SRL: variants seen among roughly 807,000 people sequenced by gnomAD.
SRL encodes the protein sarcalumenin.
In SRL, 23 loss-of-function variants were observed where a neutral mutation model predicts 39.5. The observed-to-expected ratio is 0.58, with a 90% confidence interval of 0.42 to 0.82. The LOEUF is 0.82. SRL is among the 40% of genes least tolerant of loss of function. The pLI is 0.00. For synonymous variants in SRL, 272 were observed against 237.4 expected, an observed-to-expected ratio of 1.15 and a Z score of -1.34; for missense variants, 592 against 607.8, an observed-to-expected ratio of 0.97 and a Z score of 0.27.
chr16:4,210,247 A>G (rs552082797), intron 1 of SRL, among the ~76,000 whole-genome samples: 2 of 152,032 alleles, frequency 1.3e-5, no homozygotes, highest in Admixed American at 1.3e-4. Flanking sequence ...CTACATCTCT[A>G]TCTCTCCACC....
chr16:4,233,191 T>A (rs1370191331), intron 1 of SRL, among the ~76,000 whole-genome samples: 2 of 152,206 alleles, frequency 1.3e-5, no homozygotes, highest in Admixed American at 6.5e-5. Flanking sequence ...CTCATCAGGG[T>A]GGCCTAATCT....
At chr16:4,202,443 A>C (rs1201162682) in intron 3 of SRL, among the ~76,000 whole-genome samples, 3 of 152,034 alleles carry the variant, frequency 2.0e-5, no homozygotes, top group Non-Finnish European at 4.4e-5. Context: ...AATACAAAAA[A>C]TTGGCCAGGC....
chr16:4,213,408 T>C (rs1052043597), intron 1 of SRL, among the ~76,000 whole-genome samples: 2 of 119,086 alleles, frequency 1.7e-5, no homozygotes, highest in East Asian at 2.1e-4. Flanking sequence ...CTTTTTCTTT[T>C]TTTTTTTTTT....
At position 4,195,642 on chromosome 16, in the gene SRL, A is replaced by G. The variant is rs781628144; in HGVS notation, c.521T>C (p.Ile174Thr). Residue 174 changes from isoleucine to threonine, a missense_variant, in exon 5 of 6, where the codon ATT becomes ACT. Coordinates refer to ENST00000399609, the MANE Select transcript of SRL (RefSeq NM_001098814.2). ...AAGTTTGTGGGGAACCTCAATGCCA[A>G]TCAGCTTCTCTAGGAAATTCTGGCC... ...KFGQNFLEKL[I>T]GIEVPHKLLE... 9.9e-6 allele frequency: 16 copies of G among 1,614,098 alleles called. No individual in the cohort carries two copies. In the Middle Eastern group the frequency reaches 4.9e-4, roughly 50 times the overall value.
intron 2 of SRL, among the ~76,000 whole-genome samples, chr16:4,203,502 G>T (rs1318479874): frequency 1.3e-5 from 2 of 152,122 alleles, no homozygotes; most frequent in Admixed American, 1.3e-4. Flanking sequence ...TTCCTGAACT[G>T]TTTGGTTATT....
rs1006772857 is a variant in SRL, at chr16:4,190,723, G to C, written c.*1430C>G. The C allele has an allele frequency of 1.4e-5, 5 of 363,130 alleles. No homozygotes were observed. The highest frequency in any genetic ancestry group is 7.1e-4 in the Middle Eastern group (1 of 1,418). The allele number at this position is 363,130 out of a possible 1,614,324, so 22.5% of individuals were successfully genotyped here. On this transcript the variant is annotated 3_prime_UTR_variant, in exon 6 of 6. Transcript: ENST00000399609. ...TGTGTTCAGTGGACATCTGCATCAA[G>C]GTCAGGCGGGAAGGTCAATGTTAAG...
chr16:4,204,556 T>C lies in SRL; in HGVS notation c.140A>G (p.Asp47Gly). The change falls in exon 2 of 6, where the codon GAC (aspartate) becomes GGC (glycine). Residue 47 changes from aspartate (D) to glycine (G), a missense_variant. Physicochemically the swap from Asp to Gly is moderately conservative, Grantham distance 94. Coordinates refer to ENST00000399609, the MANE Select transcript of SRL (RefSeq NM_001098814.2). The stretch of plus-strand genomic sequence containing the variant: ...ACCAGAGTAGTCATCGGATGGCTTG[T>C]CCTCATTCAGCATGAGGGTCTTCTC... ...HIEKTLMLNE[D>G]KPSDDYSAVL... 2 of 1,610,360 alleles carry C rather than the reference T, an allele frequency of 1.2e-6. No homozygotes were observed. The highest frequency in any genetic ancestry group is 1.7e-6 in the Non-Finnish European group (2 of 1,178,218).
chr16:4,219,444 G>C (rs2052496551), intron 1 of SRL, among the ~76,000 whole-genome samples: 1 of 152,128 alleles, frequency 6.6e-6, no homozygotes, highest in Non-Finnish European at 1.5e-5. Flanking sequence ...AGTAGTGTCA[G>C]GCTGGCGCCC....
At chr16:4,228,517 CTAG>C (rs1330738273) in intron 1 of SRL, among the ~76,000 whole-genome samples, 27 of 152,118 alleles carry the variant, frequency 1.8e-4, no homozygotes, top group Admixed American at 1.6e-3. Flanking sequence ...GGGCGGATCA[CTAG>C]GTCAGGAGAT....
intron 1 of SRL, among the ~76,000 whole-genome samples, chr16:4,216,981 T>G (rs2052468249): frequency 6.6e-6 from 1 of 152,162 alleles, no homozygotes; most frequent in Non-Finnish European, 1.5e-5. Context: ...GTCTAACAGC[T>G]ATCCTGGGTT....
At chr16:4,196,493 C>G (rs1343270957) in intron 4 of SRL, among the ~76,000 whole-genome samples, 2 of 53,154 alleles carry the variant, frequency 3.8e-5, no homozygotes, top group African/African-American at 1.4e-4. Flanking sequence ...TTTTTTTTTT[C>G]CTTTTTGGAG....
chr16:4,197,949 C>G (rs1384586816), intron 3 of SRL, 34 bp from the exon 4 acceptor site: 1 of 1,456,010 alleles, frequency 6.9e-7, no homozygotes, highest in African/African-American at 1.4e-5. Context: ...TGGAATAAAA[C>G]TAACAAAAGT....
At position 4,192,554 on chromosome 16, in the gene SRL, G is replaced by A. The variant is rs531901693; in HGVS notation, c.1021C>T (p.Arg341Cys). The A allele has an allele frequency of 8.7e-6, 14 of 1,614,132 alleles. No individual in the cohort carries two copies. The highest frequency in any genetic ancestry group is 2.2e-5 in the East Asian group (1 of 44,884). The change falls in exon 6 of 6, where the codon CGC becomes TGC. Residue 341 changes from arginine (R) to cysteine (C), a missense_variant. Physicochemically the swap from Arg to Cys is radical, Grantham distance 180. Coordinates refer to ENST00000399609, the MANE Select transcript of SRL (RefSeq NM_001098814.2). This position sits in a 1 kb window ranked among gnomAD's most constrained non-coding sequence, Gnocchi z 4.0. The part of the protein sequence containing the change: ...AFIRQHAIRV[R>C]IHALLVDRYL... ...CGGTCAACCAGGAGGGCGTGGATGC[G>A]GACCCGGATGGCGTGCTGGCGGATG...
chr16:4,232,041 C>A (rs1355447103), intron 1 of SRL, among the ~76,000 whole-genome samples: 2 of 152,300 alleles, frequency 1.3e-5, no homozygotes, highest in East Asian at 1.9e-4. Context: ...TTTGCTCTGC[C>A]CCCGGGTTCC....
intron 1 of SRL, among the ~76,000 whole-genome samples, chr16:4,221,215 A>AT (rs1406955434): frequency 6.6e-6 from 1 of 151,886 alleles, no homozygotes; most frequent in African/African-American, 2.4e-5. Context: ...TGTCCAGCTA[A>AT]TTTTTTGTAT....
chr16:4,226,826 CGGATGGATGGATGGATGGAGGGGT>C (rs928765017), intron 1 of SRL, among the ~76,000 whole-genome samples: 1 of 122,006 alleles, frequency 8.2e-6, no homozygotes, highest in Non-Finnish European at 1.7e-5. Context: ...GAAGAATGGA[CGGATGGATGGATGGATGGAGGGGT>C]AGATGGATGA....
chr16:4,207,989 T>G (rs2052346091), intron 1 of SRL: 1 of 456,626 alleles, frequency 2.2e-6, no homozygotes, highest in African/African-American at 2.0e-5. Flanking sequence ...CTTGAGGGGC[T>G]GTGTCTGCAT....
intron 3 of SRL, among the ~76,000 whole-genome samples, chr16:4,198,660 C>T (rs1362516193): frequency 6.6e-6 from 1 of 152,092 alleles, no homozygotes; most frequent in Non-Finnish European, 1.5e-5. Context: ...GTTGCTCAGG[C>T]TGGTCTCAAA....
chr16:4,218,743 G>A (rs529747991), intron 1 of SRL, among the ~76,000 whole-genome samples: 85 of 152,334 alleles, frequency 5.6e-4, no homozygotes, highest in Non-Finnish European at 9.4e-4. Flanking sequence ...CTGCTCAGCC[G>A]GGGAGGTGTC....
Sources: gnomAD v4.1 joint callset for allele counts (sites outside exome capture counted in the v4.1 genomes callset) on GRCh38, gnomAD v4.1.1 for gene constraint, Gnocchi (gnomAD v3.1) non-coding constraint, MANE v1.5 for transcripts, NCBI Gene and HGNC (gene_info 2026-07-23, HGNC 2026-07-21) for gene names.